The following PTPN23 variants were observed in gnomAD, a reference collection of about 807,000 sequenced individuals.
PTPN23 encodes the protein tyrosine-protein phosphatase non-receptor type 23.
PTPN23 carries 72 observed loss-of-function variants against 156.3 expected under a neutral mutation model. The ratio of observed to expected loss-of-function variants is 0.46; its 90% confidence interval spans 0.38 to 0.56. The LOEUF (loss-of-function observed/expected upper bound fraction) is 0.56. Among genes scored for constraint, PTPN23 ranks in the 20% least tolerant of loss-of-function variants. The pLI is 0.00. For missense variants in PTPN23, 1,974 were observed against 2,171.5 expected (o/e 0.91, Z 1.81); for synonymous variants, 957 against 899.6 (o/e 1.06, Z -1.14).
chr3:47,411,015 T>C lies in PTPN23; in HGVS notation c.3217T>C (p.Ser1073Pro), dbSNP rs780656431. The C allele has an allele frequency of 9.4e-6, 15 of 1,589,872 alleles. No homozygotes were observed. In the Middle Eastern group the frequency reaches 5.0e-4, roughly 53 times the overall value. Reference sequence around the variant, plus strand: ...AGCCCCTCTTACCATTCGAGGGCCCTCGTCTGCTGGCCAGTCCACCCCTAG... The same window carrying C: ...AGCCCCTCTTACCATTCGAGGGCCCCCGTCTGCTGGCCAGTCCACCCCTAG... ...QAAPLTIRGP[S>P]SAGQSTPSPH... Residue 1073 changes from serine (S) to proline (P), a missense_variant, in exon 20 of 25, where the codon TCG (serine) becomes CCG (proline). Ser to Pro is a moderately conservative substitution (Grantham distance 74). Transcript: ENST00000265562. This position sits in a 1 kb window ranked among gnomAD's most constrained non-coding sequence, Gnocchi z 6.3.
rs768236868 is a variant in PTPN23, at chr3:47,411,768, T to C, written c.3889-15T>C. ...CCTGGAAAACCAGGTCTGTCTTGGC[T>C]TATCTGTCCCTCAGCAAAAAGTGGC... On this transcript the variant is annotated splice_polypyrimidine_tract_variant and intron_variant, in intron 20 of 24. Coordinates refer to ENST00000265562, the MANE Select transcript of PTPN23 (RefSeq NM_015466.4). The surrounding 1 kb of genome is among the most constrained non-coding windows in gnomAD (Gnocchi z 6.3). The C allele has an allele frequency of 6.2e-7, 1 of 1,600,818 alleles. No homozygotes were observed. The highest frequency in any genetic ancestry group is 2.2e-5 in the East Asian group (1 of 44,598).
At chr3:47,408,668 C>T (rs1332662175) in intron 15 of PTPN23, 108 bp from the exon 16 acceptor site, 4 of 1,446,320 alleles carry the variant, frequency 2.8e-6, no homozygotes, top group Non-Finnish European at 2.8e-6. Flanking sequence ...GTGCGCTGGG[C>T]CTCACTTAAG....
At position 47,411,809 on chromosome 3, in the gene PTPN23, C is replaced by T. The variant is rs146908373; in HGVS notation, c.3915C>T (p.Thr1305=). ...EKQKVARYFP[T]ERGQPMVHGA... is the part of the protein sequence containing the mutation. ...AAAAAGTGGCACGCTACTTCCCCAC[C>T]GAGAGGGGCCAGCCCATGGTGCACG... The change falls in exon 21 of 25, where the codon ACC becomes ACT. Residue 1305 remains threonine (T), a synonymous_variant. Coordinates refer to ENST00000265562, the MANE Select transcript of PTPN23 (RefSeq NM_015466.4). This position sits in a 1 kb window ranked among gnomAD's most constrained non-coding sequence, Gnocchi z 6.3. The T allele has an allele frequency of 1.9e-5, 31 of 1,609,104 alleles. No individual in the cohort carries two copies. The highest frequency in any genetic ancestry group is 1.6e-4 in the African/African-American group (12 of 74,826).
Position 47,404,690 on chromosome 3 carries a change from T to C in PTPN23, c.198T>C (p.Ser66=), listed in dbSNP as rs1705080301. The C allele has an allele frequency of 6.2e-7, 1 of 1,613,850 alleles. No homozygotes were observed. The highest frequency in any genetic ancestry group is 1.3e-5 in the African/African-American group (1 of 74,912). ...TCCCACGAGACTTTGAGGGCTGTAG[T>C]GTCCTCCGCAAGTACCTCGGCCAGC... The part of the protein sequence containing the change: ...VRVPRDFEGC[S]VLRKYLGQLH... The change falls in exon 3 of 25, where the codon AGT becomes AGC. Residue 66 remains serine (S), a synonymous_variant. Transcript: ENST00000265562.
chr3:47,382,362 C>T (rs1460579878), intron 1 of PTPN23, among the ~76,000 whole-genome samples: 5 of 149,136 alleles, frequency 3.4e-5, no homozygotes, highest in African/African-American at 1.0e-4. Context: ...GCTCTTGTTG[C>T]CCAGGCTGGA....
intron 15 of PTPN23, 61 bp from the exon 16 acceptor site, chr3:47,408,715 G>A (rs1388045640): frequency 6.5e-7 from 1 of 1,530,320 alleles, no homozygotes; most frequent in Non-Finnish European, 8.8e-7. Flanking sequence ...TCTTGGGGGA[G>A]GGGCCCATGG....
chr3:47,403,199 C>T (rs1012114721), intron 2 of PTPN23, among the ~76,000 whole-genome samples: 4 of 151,726 alleles, frequency 2.6e-5, no homozygotes, highest in Admixed American at 2.6e-4. Flanking sequence ...TCTACAGGTG[C>T]CTGCCACCAC....
Position 47,407,969 on chromosome 3 carries a change from T to A in PTPN23, c.1184+14T>A, listed in dbSNP as rs1263446853. ...TGAGGTCCTGGAGTGAGTGTGGGAC[T>A]TGGGCAGGGAGGCGGAGGCAGGCAG... On this transcript the variant is annotated intron_variant, in intron 14 of 24. Coordinates refer to ENST00000265562, the MANE Select transcript of PTPN23 (RefSeq NM_015466.4). The surrounding 1 kb of genome is among the most constrained non-coding windows in gnomAD (Gnocchi z 4.0). The A allele has an allele frequency of 6.2e-7, 1 of 1,613,016 alleles. No homozygotes were observed. Among genetic ancestry groups the A allele is most frequent in the East Asian group, 2.2e-5 (1 of 44,852 alleles).
chr3:47,411,651 A>G lies in PTPN23; in HGVS notation c.3853A>G (p.Ile1285Val). Residue 1285 changes from isoleucine to valine, a missense_variant, in exon 20 of 25, where the codon ATT becomes GTT. Physicochemically the swap from Ile to Val is conservative, Grantham distance 29. Around this residue, in one of 4 missense-constraint regions of PTPN23, gnomAD observed 484 missense variants for 516.0 expected, o/e 0.94. Coordinates refer to ENST00000265562, the MANE Select transcript of PTPN23 (RefSeq NM_015466.4). This position sits in a 1 kb window ranked among gnomAD's most constrained non-coding sequence, Gnocchi z 6.3. ...LMVHEQKVSV[I>V]VMLVSEAEME... Reference sequence around the variant, plus strand: ...GGTCCATGAGCAGAAAGTGTCAGTCATTGTCATGCTGGTTTCTGAGGCTGA... The same window carrying G: ...GGTCCATGAGCAGAAAGTGTCAGTCGTTGTCATGCTGGTTTCTGAGGCTGA... 6.2e-7 allele frequency: 1 copy of G among 1,607,214 alleles called. No homozygotes were observed. The highest frequency in any genetic ancestry group is 8.5e-7 in the Non-Finnish European group (1 of 1,176,002).
chr3:47,405,667 A>C lies in PTPN23; in HGVS notation c.365-82A>C. On this transcript the variant is annotated intron_variant, in intron 4 of 24. Transcript: ENST00000265562. The surrounding 1 kb of genome is among the most constrained non-coding windows in gnomAD (Gnocchi z 4.7). ...CAGAGCCATGTTGTCCTGATTGTGG[A>C]TAACAGCAGTGCCCCCTCTGTCTCA... 1 of 1,401,698 alleles carries C rather than the reference A, an allele frequency of 7.1e-7. No individual in the cohort carries two copies. The highest frequency in any genetic ancestry group is 1.4e-5 in the African/African-American group (1 of 70,222). 86.8% of individuals were successfully genotyped at this position (1,401,698 alleles called of 1,614,324 possible).
At chr3:47,408,702 G>C (rs1705189083) in intron 15 of PTPN23, 74 bp from the exon 16 acceptor site, 2 of 1,521,654 alleles carry the variant, frequency 1.3e-6, no homozygotes, top group South Asian at 1.3e-5. Flanking sequence ...GGGCGGTTCT[G>C]TCTCTTGGGG....
chr3:47,391,675 T>C (rs1421716988), intron 1 of PTPN23, among the ~76,000 whole-genome samples: 3 of 152,170 alleles, frequency 2.0e-5, no homozygotes, highest in African/African-American at 7.2e-5. Context: ...CCTAGTGATA[T>C]CACGGGAAGC....
chr3:47,405,203 T>C lies in PTPN23; in HGVS notation c.364+122T>C. 1.2e-5 allele frequency: 10 copies of C among 840,690 alleles called. No individual in the cohort carries two copies. The South Asian group carries it at 1.5e-4, about 13-fold the overall frequency. 52.1% of individuals were successfully genotyped at this position (840,690 alleles called of 1,614,324 possible). A position where few individuals can be genotyped will look rare whatever the true frequency, so the allele number is the denominator to read the frequency against. On this transcript the variant is annotated intron_variant, in intron 4 of 24. Coordinates refer to ENST00000265562, the MANE Select transcript of PTPN23 (RefSeq NM_015466.4). The surrounding 1 kb of genome is among the most constrained non-coding windows in gnomAD (Gnocchi z 4.7). ...GGGAGGACTCCAGGATTCCCGCCCC[T>C]CCACTGACCTCCCCACAGCCCTGCC...
rs1325889824 is a variant in PTPN23 at position 47,407,733 on chromosome 3, C to T, written c.1040C>T (p.Thr347Ile). Reference protein sequence around the residue: ...PLVKPLPVNPTDPAVTGPDIF... With the variant: ...PLVKPLPVNPIDPAVTGPDIF... ...GTGAAGCCCTTGCCAGTGAACCCCACAGACCCAGCTGTTACAGGCCCTGAC... is the reference window on the plus strand; with the variant it reads ...GTGAAGCCCTTGCCAGTGAACCCCATAGACCCAGCTGTTACAGGCCCTGAC... The change falls in exon 13 of 25, where the codon ACA (threonine) becomes ATA (isoleucine). Residue 347 changes from threonine to isoleucine, a missense_variant. Thr to Ile is a moderately conservative substitution (Grantham distance 89). Coordinates refer to ENST00000265562, the MANE Select transcript of PTPN23 (RefSeq NM_015466.4). The surrounding 1 kb of genome is among the most constrained non-coding windows in gnomAD (Gnocchi z 4.0). 2 of 1,614,028 alleles carry T rather than the reference C, an allele frequency of 1.2e-6. No homozygotes were observed. Among genetic ancestry groups the T allele is most frequent in the East Asian group, 4.5e-5 (2 of 44,892 alleles).
rs1705251062 is a variant in PTPN23, at chr3:47,410,529, C to T, written c.2731C>T (p.Pro911Ser). ...PTPAPPPPCF[P>S]VPPPQPLPTP... The stretch of plus-strand genomic sequence containing the variant: ...CCCTGCTCCTCCCCCGCCCTGCTTC[C>T]CTGTGCCCCCACCGCAGCCACTGCC... The change falls in exon 20 of 25, where the codon CCT (proline) becomes TCT (serine). Residue 911 changes from proline to serine, a missense_variant. Physicochemically the swap from Pro to Ser is moderately conservative, Grantham distance 74. Transcript: ENST00000265562. 1 of 1,611,042 alleles carries T rather than the reference C, an allele frequency of 6.2e-7. No homozygotes were observed. Among genetic ancestry groups the T allele is most frequent in the African/African-American group, 1.3e-5 (1 of 74,696 alleles).
chr3:47,413,215 A>ACAT lies in PTPN23; in HGVS notation c.*41_*43dup, dbSNP rs200235092. 100 of 1,579,694 alleles carry ACAT rather than the reference A, an allele frequency of 6.3e-5. No individual in the cohort carries two copies. Among genetic ancestry groups the ACAT allele is most frequent in the South Asian group, 1.5e-4 (13 of 86,470 alleles). On this transcript the variant is annotated 3_prime_UTR_variant, in exon 25 of 25. Transcript: ENST00000265562. ...GTTTTGCCTACCTGGTCCTTACACT[A>ACAT]CATCATCATCATCTCATGCCCACCT...
At chr3:47,400,103 C>T (rs1480770699) in intron 2 of PTPN23, among the ~76,000 whole-genome samples, 2 of 152,146 alleles carry the variant, frequency 1.3e-5, no homozygotes, top group Non-Finnish European at 2.9e-5. Flanking sequence ...AGTCACCACG[C>T]CTAGTCTAGA....
chr3:47,407,264 G>A lies in PTPN23; in HGVS notation c.865-45G>A, dbSNP rs1404492142. The A allele has an allele frequency of 8.1e-6, 13 of 1,613,518 alleles. No homozygotes were observed. Among genetic ancestry groups the A allele is most frequent in the Non-Finnish European group, 1.1e-5 (13 of 1,179,684 alleles). On this transcript the variant is annotated intron_variant, in intron 10 of 24. Transcript: ENST00000265562. The surrounding 1 kb of genome is among the most constrained non-coding windows in gnomAD (Gnocchi z 4.0). ...GGACTGAGGGGGTGTCCTGGTGCCA[G>A]CCTTGGTTAGTGCTAAGGCCCCACC... is the stretch of plus-strand genomic sequence containing the variant.
chr3:47,404,725 T>C lies in PTPN23; in HGVS notation c.233T>C (p.Leu78Pro). Reference protein sequence around the residue: ...LRKYLGQLHYLQSRVPMGSGQ... With the variant: ...LRKYLGQLHYPQSRVPMGSGQ... The stretch of plus-strand genomic sequence containing the variant: ...AAGTACCTCGGCCAGCTTCATTACC[T>C]GCAGAGTCGGGTCCCCATGGGCTCG... Residue 78 changes from leucine (L) to proline (P), a missense_variant, in exon 3 of 25, where the codon CTG (leucine) becomes CCG (proline). Physicochemically the swap from Leu to Pro is moderately conservative, Grantham distance 98. Transcript: ENST00000265562. 1 of 1,613,998 alleles carries C rather than the reference T, an allele frequency of 6.2e-7. No individual in the cohort carries two copies. The highest frequency in any genetic ancestry group is 1.1e-5 in the South Asian group (1 of 91,086).
Sources: gnomAD v4.1 joint callset for allele counts (sites outside exome capture counted in the v4.1 genomes callset) on GRCh38, gnomAD v4.1.1 for gene constraint, gnomAD v4.1.1 regional missense constraint, Gnocchi (gnomAD v3.1) non-coding constraint, MANE v1.5 for transcripts, NCBI Gene and HGNC (gene_info 2026-07-23, HGNC 2026-07-21) for gene names.